Variants in OR4C6 observed in about 807,000 individuals in gnomAD.
The protein encoded by OR4C6 is olfactory receptor family 4 subfamily C member 6.
A neutral mutation model predicts 13.9 loss-of-function variants in OR4C6; 20 were observed. The observed-to-expected ratio is 1.43, with a 90% CI of 1.01 to 2.08. The LOEUF is 2.08. Ranked by LOEUF, OR4C6 falls within the 30% of genes most tolerant of loss-of-function variation. The pLI, the probability that OR4C6 is intolerant of heterozygous loss-of-function variation, is 0.00. For synonymous variants in OR4C6, 193 were observed against 141.5 expected (o/e 1.36, Z -2.58); for missense variants, 555 against 381.2 (o/e 1.46, Z -3.80).
At chr11:55,662,806 T>C (rs78332925) in intron 1 of OR4C6, among the ~76,000 whole-genome samples, 2,094 of 137,966 alleles carry the variant, frequency 0.015, 247 homozygotes, top group African/African-American at 0.051. Context: ...AGCCATCAGG[T>C]GAAAATACTG....
chr11:55,665,709 G>C lies in OR4C6; in HGVS notation c.543G>C (p.Gln181His), dbSNP rs1330239137. ...IIDHFICDLF[Q>H]LLTLACTDTH... ...ATCACTTTATATGTGATTTGTTTCA[G>C]TTGTTGACACTTGCCTGCACGGACA... Residue 181 changes from glutamine to histidine, a missense_variant, in exon 2 of 2, where the codon CAG (glutamine) becomes CAC (histidine). Physicochemically the swap from Gln to His is conservative, Grantham distance 24. Transcript: ENST00000314259. 2 of 1,613,774 alleles carry C rather than the reference G, an allele frequency of 1.2e-6. No individual in the cohort carries two copies. The highest frequency in any genetic ancestry group is 1.3e-5 in the African/African-American group (1 of 74,738).
At chr11:55,664,012 T>A (rs1236499471) in intron 1 of OR4C6, among the ~76,000 whole-genome samples, 1 of 104,198 alleles carries the variant, frequency 9.6e-6, no homozygotes, top group Non-Finnish European at 2.2e-5. Context: ...TGAAATACAA[T>A]CTATTCTTCT....
chr11:55,664,766 T>C (rs1200146164), intron 1 of OR4C6, among the ~76,000 whole-genome samples: 1 of 151,988 alleles, frequency 6.6e-6, no homozygotes, highest in African/African-American at 2.4e-5. Flanking sequence ...TACGTTCCTG[T>C]TTCTGTAAAA....
At position 55,665,988 on chromosome 11, in the gene OR4C6, A is replaced by C; in HGVS notation, c.822A>C (p.Ser274=). 2 of 1,613,562 alleles carry C rather than the reference A, an allele frequency of 1.2e-6. No homozygotes were observed. The highest frequency in any genetic ancestry group is 1.7e-6 in the Non-Finnish European group (2 of 1,179,672). The part of the protein sequence containing the change: ...PIDKAMAVSD[S]IITPMLNPLI... The stretch of plus-strand genomic sequence containing the variant: ...ACAAGGCAATGGCTGTGTCAGACTC[A>C]ATCATCACACCCATGTTAAATCCCT... Residue 274 remains serine, a synonymous_variant, in exon 2 of 2, where the codon TCA becomes TCC. Transcript: ENST00000314259.
chr11:55,663,458 C>A (rs148244992), intron 1 of OR4C6, among the ~76,000 whole-genome samples: 27 of 138,066 alleles, frequency 2.0e-4, no homozygotes, highest in African/African-American at 6.0e-4. Context: ...TAAGGAAATC[C>A]TACCCAGAGA....
At chr11:55,664,830 G>T (rs1323347945) in intron 1 of OR4C6, among the ~76,000 whole-genome samples, 1 of 151,982 alleles carries the variant, frequency 6.6e-6, no homozygotes, top group African/African-American at 2.4e-5. Flanking sequence ...TGCCTCCAAG[G>T]TGAGGTAGGT....
rs1858740688 is a variant in OR4C6, at chr11:55,665,831, C to T, written c.665C>T (p.Ser222Phe). 1 of 1,613,800 alleles carries T rather than the reference C, an allele frequency of 6.2e-7. No individual in the cohort carries two copies. The highest frequency in any genetic ancestry group is 1.7e-5 in the Admixed American group (1 of 59,958). The change falls in exon 2 of 2, where the codon TCC becomes TTC. Residue 222 changes from serine to phenylalanine, a missense_variant. By Grantham distance (155) the Ser-to-Phe change is radical. Transcript: ENST00000314259. ...GCGTCCTACACGGTCATCCTATGCT[C>T]CCTGAAGTCTTACAGCTCTAAAGGG... ...LIASYTVILC[S>F]LKSYSSKGRH... is the part of the protein sequence containing the mutation.
chr11:55,664,581 T>C (rs1360776492), intron 1 of OR4C6, among the ~76,000 whole-genome samples: 1 of 152,074 alleles, frequency 6.6e-6, no homozygotes, highest in Non-Finnish European at 1.5e-5. Context: ...GGATAATAAT[T>C]GTAATATACT....
Position 55,665,421 on chromosome 11 carries a change from C to T in OR4C6, c.255C>T (p.Ser85=). Residue 85 remains serine, a synonymous_variant, in exon 2 of 2, where the codon TCC becomes TCT. Coordinates refer to ENST00000314259, the MANE Select transcript of OR4C6 (RefSeq NM_001004704.2). The part of the protein sequence containing the change: ...VAPKVIVDTL[S]KSTTISLKGC... ...CCAAGGTGATTGTAGACACCCTCTC[C>T]AAGAGCACTACCATCTCTCTCAAAG... 1 of 1,613,792 alleles carries T rather than the reference C, an allele frequency of 6.2e-7. No individual in the cohort carries two copies. The highest frequency in any genetic ancestry group is 8.5e-7 in the Non-Finnish European group (1 of 1,179,964).
chr11:55,665,509 G>A lies in OR4C6; in HGVS notation c.343G>A (p.Val115Met), dbSNP rs771596913. Reference sequence around the variant, plus strand: ...TGGTGTGGGGATCATCCTCCTCACTGTGATGGCCTATGACCGCTACGTGGC... The same window carrying A: ...TGGTGTGGGGATCATCCTCCTCACTATGATGGCCTATGACCGCTACGTGGC... ...FGGVGIILLT[V>M]MAYDRYVAIC... Residue 115 changes from valine (V) to methionine (M), a missense_variant, in exon 2 of 2, where the codon GTG becomes ATG. Physicochemically the swap from Val to Met is conservative, Grantham distance 21. Coordinates refer to ENST00000314259, the MANE Select transcript of OR4C6 (RefSeq NM_001004704.2). The A allele has an allele frequency of 1.9e-5, 31 of 1,613,788 alleles. No individual in the cohort carries two copies. The highest frequency in any genetic ancestry group is 2.5e-5 in the Non-Finnish European group (30 of 1,179,982).
chr11:55,665,303 C>T lies in OR4C6; in HGVS notation c.137C>T (p.Thr46Ile). The T allele has an allele frequency of 6.2e-7, 1 of 1,611,808 alleles. No homozygotes were observed. Among genetic ancestry groups the T allele is most frequent in the Non-Finnish European group, 8.5e-7 (1 of 1,178,106 alleles). The change falls in exon 2 of 2, where the codon ACT becomes ATT. Residue 46 changes from threonine to isoleucine, a missense_variant. Physicochemically the swap from Thr to Ile is moderately conservative, Grantham distance 89. Transcript: ENST00000314259. ...TVLENLLIVV[T>I]IITSQSLRSP... ...CTGGAAAATCTACTTATTGTGGTAA[C>T]TATTATCACAAGTCAGAGTCTGAGG... is the stretch of plus-strand genomic sequence containing the variant.
At chr11:55,664,053 A>G (rs1373800706) in intron 1 of OR4C6, among the ~76,000 whole-genome samples, 2 of 142,838 alleles carry the variant, frequency 1.4e-5, no homozygotes, top group African/African-American at 5.0e-5. Context: ...ACTAGGTATG[A>G]ATCGAAGCCG....
chr11:55,665,979 G>T lies in OR4C6; in HGVS notation c.813G>T (p.Val271=), dbSNP rs1326204085. ...VTHPIDKAMA[V]SDSIITPMLN... ...ACCCCATAGACAAGGCAATGGCTGT[G>T]TCAGACTCAATCATCACACCCATGT... The change falls in exon 2 of 2, where the codon GTG becomes GTT. Residue 271 remains valine (V), a synonymous_variant. Coordinates refer to ENST00000314259, the MANE Select transcript of OR4C6 (RefSeq NM_001004704.2). The T allele has an allele frequency of 6.2e-7, 1 of 1,613,542 alleles. No individual in the cohort carries two copies. The highest frequency in any genetic ancestry group is 1.3e-5 in the African/African-American group (1 of 74,714).
At chr11:55,662,807 G>A (rs1858686596) in intron 1 of OR4C6, among the ~76,000 whole-genome samples, 1 of 138,468 alleles carries the variant, frequency 7.2e-6, no homozygotes, top group Non-Finnish European at 1.6e-5. Flanking sequence ...GCCATCAGGT[G>A]AAAATACTGG....
chr11:55,665,572 C>T lies in OR4C6; in HGVS notation c.406C>T (p.Pro136Ser), dbSNP rs1487692063. The part of the protein sequence containing the change: ...KPLHYTIIMS[P>S]RVCCLMVGGA... Reference sequence around the variant, plus strand: ...CCTGCACTACACGATCATCATGAGTCCACGGGTGTGCTGCCTAATGGTAGG... The same window carrying T: ...CCTGCACTACACGATCATCATGAGTTCACGGGTGTGCTGCCTAATGGTAGG... Residue 136 changes from proline to serine, a missense_variant, in exon 2 of 2, where the codon CCA (proline) becomes TCA (serine). Physicochemically the swap from Pro to Ser is moderately conservative, Grantham distance 74. Coordinates refer to ENST00000314259, the MANE Select transcript of OR4C6 (RefSeq NM_001004704.2). The T allele has an allele frequency of 1.5e-5, 25 of 1,613,882 alleles. No individual in the cohort carries two copies. Among genetic ancestry groups the T allele is most frequent in the Non-Finnish European group, 2.0e-5 (24 of 1,180,000 alleles).
intron 1 of OR4C6, among the ~76,000 whole-genome samples, chr11:55,664,253 A>G (rs375554235): frequency 1.8e-4 from 28 of 152,160 alleles, no homozygotes; most frequent in South Asian, 1.2e-3. Flanking sequence ...TTGTTAGCCT[A>G]AAAGCTAATT....
At chr11:55,662,736 A>G (rs1268107654) in intron 1 of OR4C6, among the ~76,000 whole-genome samples, 1 of 137,550 alleles carries the variant, frequency 7.3e-6, no homozygotes, top group Non-Finnish European at 1.6e-5. Flanking sequence ...AACCAACACG[A>G]ATACTGCACT....
intron 1 of OR4C6, among the ~76,000 whole-genome samples, chr11:55,664,891 G>A (rs1858716341): frequency 6.6e-6 from 1 of 152,054 alleles, no homozygotes; most frequent in South Asian, 2.1e-4. Context: ...AGGACAAGGA[G>A]GAAAAAATCT....
At position 55,665,991 on chromosome 11, in the gene OR4C6, C is replaced by A. The variant is rs756609336; in HGVS notation, c.825C>A (p.Ile275=). The stretch of plus-strand genomic sequence containing the variant: ...AGGCAATGGCTGTGTCAGACTCAAT[C>A]ATCACACCCATGTTAAATCCCTTGA... ...IDKAMAVSDS[I]ITPMLNPLIY... The change falls in exon 2 of 2, where the codon ATC becomes ATA. Residue 275 remains isoleucine, a synonymous_variant. Coordinates refer to ENST00000314259, the MANE Select transcript of OR4C6 (RefSeq NM_001004704.2). 6.2e-7 allele frequency: 1 copy of A among 1,613,396 alleles called. No individual in the cohort carries two copies. Among genetic ancestry groups the A allele is most frequent in the Middle Eastern group, 1.7e-4 (1 of 6,060 alleles).
Sources: allele counts gnomAD v4.1 joint callset (sites outside exome capture counted in the v4.1 genomes callset), GRCh38; gene constraint gnomAD v4.1.1; transcripts MANE v1.5; gene names NCBI Gene and HGNC (gene_info 2026-07-23, HGNC 2026-07-21).